PREPL: variants seen among roughly 807,000 people sequenced by gnomAD.
The protein encoded by PREPL is prolyl endopeptidase-like.
A neutral mutation model predicts 70.6 loss-of-function variants in PREPL; 77 were observed. That is an observed-to-expected ratio of 1.09 (90% CI 0.91 to 1.32). The LOEUF is 1.32. Among genes scored for constraint, PREPL ranks in the 40% most tolerant of loss-of-function variants. The probability of loss-of-function intolerance (pLI) is 0.00; values close to 1 mark genes in which losing one functional copy is unlikely to be tolerated. For synonymous variants in PREPL, 315 were observed against 264.8 expected (o/e 1.19, Z -1.84); for missense variants, 1,002 against 778.2 (o/e 1.29, Z -3.42).
chr2:44,327,441 TG>T (rs1558489400), intron 9 of PREPL, among the ~76,000 whole-genome samples: 1 of 152,112 alleles, frequency 6.6e-6, no homozygotes, highest in Non-Finnish European at 1.5e-5. Flanking sequence ...TTTAAGGAGA[TG>T]ATGCCTAAAC....
chr2:44,355,751 TTATATATATA>T (rs112927329), intron 1 of PREPL, among the ~76,000 whole-genome samples: 3,051 of 141,376 alleles, frequency 0.022, 122 homozygotes, highest in African/African-American at 0.077. Context: ...AAACTACATA[TTATATATATA>T]TATATATATA....
chr2:44,347,798 C>T (rs1200920296), intron 1 of PREPL, among the ~76,000 whole-genome samples: 1 of 152,070 alleles, frequency 6.6e-6, no homozygotes, highest in Non-Finnish European at 1.5e-5. Context: ...TAAAATATGT[C>T]CATGATACTT....
At chr2:44,344,664 G>A (rs920887262) in intron 2 of PREPL, 78 bp from the exon 3 acceptor site, 10 of 1,090,682 alleles carry the variant, frequency 9.2e-6, no homozygotes, top group Non-Finnish European at 1.3e-5. Flanking sequence ...AGATGAAGAT[G>A]AAATGAAGAC....
At chr2:44,343,049 T>A (rs1368509830) in intron 4 of PREPL, among the ~76,000 whole-genome samples, 1 of 152,226 alleles carries the variant, frequency 6.6e-6, no homozygotes, top group Non-Finnish European at 1.5e-5. Context: ...AATTACACCA[T>A]GACTGCCACC....
rs1373867453 is a variant in PREPL, at chr2:44,323,006, G to C, written c.1630-152C>G. 8.2e-6 allele frequency: 9 copies of C among 1,097,766 alleles called. No individual in the cohort carries two copies. In the East Asian group the frequency reaches 1.5e-4, roughly 18 times the overall value. The allele number at this position is 1,097,766 out of a possible 1,614,324, so 68.0% of individuals were successfully genotyped here. On this transcript the variant is annotated intron_variant, in intron 11 of 13. Coordinates refer to ENST00000409411, the MANE Select transcript of PREPL (RefSeq NM_001171613.2). ...ATCTTGAGAGCGCCTCAGTATTACA[G>C]TAGTAGACTACTTGTTATCTGGAAT...
rs1420285929 is a variant in PREPL at position 44,322,862 on chromosome 2, A to C, written c.1630-8T>G. 6.2e-7 allele frequency: 1 copy of C among 1,612,764 alleles called. No individual in the cohort carries two copies. The highest frequency in any genetic ancestry group is 8.5e-7 in the Non-Finnish European group (1 of 1,179,404). ...GTGAATTGAAGGATAATGCTGAAAG[A>C]AAATACATGCACGAAGAGTTTACAT... On this transcript the variant is annotated splice_polypyrimidine_tract_variant and splice_region_variant and intron_variant, in intron 11 of 13. Coordinates refer to ENST00000409411, the MANE Select transcript of PREPL (RefSeq NM_001171613.2).
chr2:44,348,401 G>A (rs977848042), intron 1 of PREPL, among the ~76,000 whole-genome samples: 1 of 152,082 alleles, frequency 6.6e-6, no homozygotes, highest in African/African-American at 2.4e-5. Flanking sequence ...ATAGCAATAG[G>A]AGCTGCCTTT....
chr2:44,327,006 G>A, intron 9 of PREPL, 78 bp from the exon 10 acceptor site: 1 of 1,245,486 alleles, frequency 8.0e-7, no homozygotes, highest in Non-Finnish European at 1.1e-6. Context: ...ACTACACCTG[G>A]AGGCCTGTTT....
At chr2:44,348,324 T>C (rs892037636) in intron 1 of PREPL, among the ~76,000 whole-genome samples, 2 of 152,370 alleles carry the variant, frequency 1.3e-5, no homozygotes, top group Non-Finnish European at 1.5e-5. Flanking sequence ...GATATCTGTA[T>C]CAATAATCCC....
rs548229082 is a variant in PREPL at position 44,322,175 on chromosome 2, G to A, written c.1754-275C>T. ...CCAGGAGATCATCAACCTGCCCTGT[G>A]GAATCTGAGAGTCTTATGCCCTGGA... On this transcript the variant is annotated intron_variant, in intron 12 of 13. Coordinates refer to ENST00000409411, the MANE Select transcript of PREPL (RefSeq NM_001171613.2). 2.0e-5 allele frequency among the ~76,000 whole-genome samples: 3 copies of A among 152,244 alleles called. No homozygotes were observed. In the East Asian group the frequency reaches 5.8e-4, roughly 29 times the overall value.
At chr2:44,348,617 C>A (rs961335491) in intron 1 of PREPL, among the ~76,000 whole-genome samples, 2 of 152,158 alleles carry the variant, frequency 1.3e-5, no homozygotes, top group Non-Finnish European at 2.9e-5. Context: ...AACTCATCTT[C>A]TTAACTTTAC....
intron 10 of PREPL, among the ~76,000 whole-genome samples, chr2:44,325,596 C>T (rs1673414861): frequency 6.6e-6 from 1 of 152,094 alleles, no homozygotes; most frequent in African/African-American, 2.4e-5. Context: ...CTCATCATTT[C>T]CTTTTAAATT....
intron 4 of PREPL, 71 bp downstream of exon 4, chr2:44,343,674 C>T (rs966685711): frequency 4.9e-6 from 7 of 1,424,832 alleles, no homozygotes; most frequent in African/African-American, 2.8e-5. Flanking sequence ...CCCTCACATG[C>T]GACAAAAAAA....
upstream of PREPL, chr2:44,361,825 T>C (rs1162524140): frequency 2.5e-6 from 3 of 1,193,878 alleles, no homozygotes; most frequent in Non-Finnish European, 2.2e-6. Context: ...GCGTGACAGC[T>C]CGGCCCTGGT....
At chr2:44,337,528 A>T (rs1418764930) in intron 7 of PREPL, among the ~76,000 whole-genome samples, 1 of 152,212 alleles carries the variant, frequency 6.6e-6, no homozygotes, top group East Asian at 1.9e-4. Context: ...TTGCATTTTT[A>T]CAGGAGTTTT....
chr2:44,357,197 C>G (rs1677141143), intron 1 of PREPL, among the ~76,000 whole-genome samples: 1 of 152,220 alleles, frequency 6.6e-6, no homozygotes, highest in Non-Finnish European at 1.5e-5. Context: ...TTCTAACATT[C>G]CCACTACACA....
chr2:44,330,013 G>A (rs1397344451), intron 8 of PREPL, among the ~76,000 whole-genome samples: 6 of 152,132 alleles, frequency 3.9e-5, no homozygotes, highest in Admixed American at 6.6e-5. Flanking sequence ...GCAATAACTG[G>A]AGACAGCAAA....
Position 44,329,049 on chromosome 2 carries a change from G to A in PREPL, c.1150C>T (p.Pro384Ser). ...KTDSEDLQKK[P>S]LLVHVYGAYG... is the part of the protein sequence containing the mutation. ...GCTCCATATACATGTACCAAGAGAG[G>A]TTTCTTCTGCAAGTCCTCAGAGTCA... Residue 384 changes from proline (P) to serine (S), a missense_variant, in exon 9 of 14, where the codon CCT becomes TCT. Transcript: ENST00000409411. 2 of 1,612,780 alleles carry A rather than the reference G, an allele frequency of 1.2e-6. No individual in the cohort carries two copies.
At chr2:44,344,613 T>C in intron 2 of PREPL, 27 bp from the exon 3 acceptor site, 1 of 1,518,158 alleles carries the variant, frequency 6.6e-7, no homozygotes, top group South Asian at 1.3e-5. Flanking sequence ...GCAGTTTACT[T>C]AATAATAATT....
Sources: gnomAD v4.1 joint callset for allele counts (sites outside exome capture counted in the v4.1 genomes callset) on GRCh38, gnomAD v4.1.1 for gene constraint, MANE v1.5 for transcripts, NCBI Gene and HGNC (gene_info 2026-07-23, HGNC 2026-07-21) for gene names.